Variants in ASTL observed in about 807,000 individuals in gnomAD.
ASTL encodes astacin-like metalloendopeptidase.
In ASTL, 27 loss-of-function variants were observed where a neutral mutation model predicts 36.7. The observed-to-expected ratio is 0.73, with a 90% confidence interval of 0.54 to 1.01. The LOEUF is 1.01. Ranked by LOEUF, ASTL falls within the 50% of genes least tolerant of loss-of-function variation. The pLI is 0.00. For missense variants in ASTL, 524 were observed against 572.8 expected, an observed-to-expected ratio of 0.91 and a Z score of 0.87; for synonymous variants, 222 against 228.1, an observed-to-expected ratio of 0.97 and a Z score of 0.24.
Position 96,132,721 on chromosome 2 carries a change from C to T in ASTL, c.456G>A (p.Gly152=), listed in dbSNP as rs765288893. Residue 152 remains glycine, a splice_region_variant and synonymous_variant, in exon 6 of 9, where the codon GGG becomes GGA. Coordinates refer to ENST00000342380, the MANE Select transcript of ASTL (RefSeq NM_001002036.4). The surrounding 1 kb of genome is among the most constrained non-coding windows in gnomAD (Gnocchi z 5.4). ...CACTGCGCCCCACACTCGAGAAGCA[C>T]CTGCAGGGTGATGAGAGCAAGTGGG... ...RDFISIIPMY[G]CFSSVGRSGG... is the part of the protein sequence containing the mutation. 1 of 1,605,500 alleles carries T rather than the reference C, an allele frequency of 6.2e-7. No individual in the cohort carries two copies. The highest frequency in any genetic ancestry group is 8.5e-7 in the Non-Finnish European group (1 of 1,173,506).
intron 8 of ASTL, among the ~76,000 whole-genome samples, chr2:96,125,879 C>A (rs762116687): frequency 6.6e-6 from 1 of 152,060 alleles, no homozygotes; most frequent in Non-Finnish European, 1.5e-5. Flanking sequence ...AAAGAAATTA[C>A]GCACAAATTT....
rs550355362 is a variant in ASTL, at chr2:96,134,098, C to G, written c.244-40G>C. ...GCAGTTCAACCCCTGGGGACAGAGG[C>G]CACCCAAGCTTTGTGCCCCAAGGGT... On this transcript the variant is annotated intron_variant, in intron 3 of 8. Transcript: ENST00000342380. 5.5e-6 allele frequency: 8 copies of G among 1,447,596 alleles called. No individual in the cohort carries two copies. In the East Asian group the frequency reaches 1.8e-4, roughly 33 times the overall value. The allele number at this position is 1,447,596 out of a possible 1,614,324, so 89.7% of individuals were successfully genotyped here. A position where few individuals can be genotyped will look rare whatever the true frequency, so the allele number is the denominator to read the frequency against.
At position 96,123,827 on chromosome 2, in the gene ASTL, A is replaced by G; in HGVS notation, c.*23T>C. ...CCACTGGGCAGAGGATGCCCTCCCTACTTGGGGACAGAAGCCACAGGCTTA... is the reference window on the plus strand; with the variant it reads ...CCACTGGGCAGAGGATGCCCTCCCTGCTTGGGGACAGAAGCCACAGGCTTA... On this transcript the variant is annotated 3_prime_UTR_variant, in exon 9 of 9. Transcript: ENST00000342380. 6.3e-7 allele frequency: 1 copy of G among 1,599,318 alleles called. No homozygotes were observed. Among genetic ancestry groups the G allele is most frequent in the Non-Finnish European group, 8.5e-7 (1 of 1,171,068 alleles).
chr2:96,126,733 G>A (rs1682071872), intron 8 of ASTL, among the ~76,000 whole-genome samples: 1 of 152,066 alleles, frequency 6.6e-6, no homozygotes, highest in Non-Finnish European at 1.5e-5. Flanking sequence ...GCACATACCT[G>A]TAGTCCCAGC....
rs772942732 is a variant in ASTL at position 96,134,074 on chromosome 2, C to T, written c.244-16G>A. 2 of 1,591,404 alleles carry T rather than the reference C, an allele frequency of 1.3e-6. No individual in the cohort carries two copies. Among genetic ancestry groups the T allele is most frequent in the Non-Finnish European group, 8.6e-7 (1 of 1,159,878 alleles). The stretch of plus-strand genomic sequence containing the variant: ...GGAAGGGACTCTGAGGAGAGAGCAG[C>T]AGTTCAACCCCTGGGGACAGAGGCC... On this transcript the variant is annotated splice_polypyrimidine_tract_variant and intron_variant, in intron 3 of 8. Coordinates refer to ENST00000342380, the MANE Select transcript of ASTL (RefSeq NM_001002036.4).
Position 96,132,847 on chromosome 2 carries a change from G to C in ASTL, c.456-126C>G. ...TCCCAACAGGCAGGCCCCACTCTGG[G>C]CTCTAGTCTCAGGTTCACCATTCTC... On this transcript the variant is annotated intron_variant, in intron 5 of 8. Coordinates refer to ENST00000342380, the MANE Select transcript of ASTL (RefSeq NM_001002036.4). This position sits in a 1 kb window ranked among gnomAD's most constrained non-coding sequence, Gnocchi z 5.4. The C allele has an allele frequency of 1.2e-6, 1 of 846,932 alleles. No homozygotes were observed. The highest frequency in any genetic ancestry group is 3.2e-4 in the Middle Eastern group (1 of 3,094). 52.5% of individuals were successfully genotyped at this position (846,932 alleles called of 1,614,324 possible). A position where few individuals can be genotyped will look rare whatever the true frequency, so the allele number is the denominator to read the frequency against.
At position 96,138,431 on chromosome 2, in the gene ASTL, C is replaced by A. The variant is rs1442943522; in HGVS notation, c.6G>T (p.Glu2Asp). 3 of 1,610,008 alleles carry A rather than the reference C, an allele frequency of 1.9e-6. No homozygotes were observed. The highest frequency in any genetic ancestry group is 1.7e-6 in the Non-Finnish European group (2 of 1,178,162). MEGVGGLWPWVL... is the reference protein window; with the variant it reads MDGVGGLWPWVL... Reference sequence around the variant, plus strand: ...CCCAAGGCCAGAGACCCCCTACACCCTCCATGGTAGAGCCCTGCTGCCCCT... The same window carrying A: ...CCCAAGGCCAGAGACCCCCTACACCATCCATGGTAGAGCCCTGCTGCCCCT... Residue 2 changes from glutamate to aspartate, a missense_variant, in exon 1 of 9, where the codon GAG (glutamate) becomes GAT (aspartate). By Grantham distance (45) the Glu-to-Asp change is conservative. Coordinates refer to ENST00000342380, the MANE Select transcript of ASTL (RefSeq NM_001002036.4).
At chr2:96,138,338 T>C (rs1573918635) in intron 1 of ASTL, 44 bp downstream of exon 1, 2 of 1,568,352 alleles carry the variant, frequency 1.3e-6, no homozygotes, top group Non-Finnish European at 1.7e-6. Context: ...CCCAGCTTTC[T>C]CCAGGCTGGA....
chr2:96,137,706 CCAGA>C lies in ASTL; in HGVS notation c.56-10_56-7del. 1 of 1,611,070 alleles carries C rather than the reference CCAGA, an allele frequency of 6.2e-7. No individual in the cohort carries two copies. The highest frequency in any genetic ancestry group is 2.2e-5 in the East Asian group (1 of 44,834). On this transcript the variant is annotated splice_region_variant and splice_polypyrimidine_tract_variant and intron_variant, in intron 1 of 8. Transcript: ENST00000342380. ...GGGCGCTCCTAGGATCACACCTGGT[CCAGA>C]CAGACAGGGGCATACACAGATGCCT...
rs1480362645 is a variant in ASTL, at chr2:96,136,949, A to G, written c.181+626T>C. Among the ~76,000 whole-genome samples the G allele has an allele frequency of 4.6e-5, 7 of 152,212 alleles. No individual in the cohort carries two copies. In the South Asian group the frequency reaches 1.0e-3, roughly 23 times the overall value. ...AAGCTCCGCCTCCCAGGTTCATGCCATTCTCCTGCCTCAGCCTCCTGAGTA... is the reference window on the plus strand; with the variant it reads ...AAGCTCCGCCTCCCAGGTTCATGCCGTTCTCCTGCCTCAGCCTCCTGAGTA... On this transcript the variant is annotated intron_variant, in intron 2 of 8. Transcript: ENST00000342380.
Position 96,133,321 on chromosome 2 carries a change from G to A in ASTL, c.455+104C>T, listed in dbSNP as rs113183616. The A allele has an allele frequency of 3.1e-4, 265 of 860,360 alleles. 4 individuals carry two copies. In the African/African-American group the frequency reaches 3.2e-3, roughly 10 times the overall value. 53.3% of individuals were successfully genotyped at this position (860,360 alleles called of 1,614,324 possible). ...CCCTCAGGGTGGGCAGGGAGACTGA[G>A]CCCTGGAGGATGGGCCCAGGAATAC... is the stretch of plus-strand genomic sequence containing the variant. On this transcript the variant is annotated intron_variant, in intron 5 of 8. Coordinates refer to ENST00000342380, the MANE Select transcript of ASTL (RefSeq NM_001002036.4).
intron 8 of ASTL, among the ~76,000 whole-genome samples, chr2:96,125,863 T>C (rs1428564287): frequency 6.6e-6 from 1 of 151,812 alleles, no homozygotes; most frequent in Non-Finnish European, 1.5e-5. Context: ...AGACTCCATC[T>C]CAACAAAAGA....
intron 2 of ASTL, 56 bp from the exon 3 acceptor site, chr2:96,135,468 G>A (rs1682276688): frequency 1.5e-5 from 22 of 1,514,158 alleles, no homozygotes; most frequent in Non-Finnish European, 2.0e-5. Flanking sequence ...TGACTCGTGG[G>A]ACAGGCCAAG....
In ASTL at chr2:96,137,697, A is replaced by T; in HGVS notation, c.59T>A (p.Val20Glu). 1 of 1,612,400 alleles carries T rather than the reference A, an allele frequency of 6.2e-7. No homozygotes were observed. The highest frequency in any genetic ancestry group is 1.1e-5 in the South Asian group (1 of 91,062). ...WVLGLLSLPG[V>E]ILGAPLASSC... ...GGAGGCCAGGGGCGCTCCTAGGATC[A>T]CACCTGGTCCAGACAGACAGGGGCA... The change falls in exon 2 of 9, where the codon GTG (valine) becomes GAG (glutamate). Residue 20 changes from valine to glutamate, a missense_variant. Transcript: ENST00000342380.
chr2:96,130,018 G>A (rs374766318), intron 7 of ASTL, 40 bp from the exon 8 acceptor site: 127 of 1,613,160 alleles, frequency 7.9e-5, no homozygotes, highest in South Asian at 2.7e-4. Flanking sequence ...AGATCACCAC[G>A]GGAGAGGCTG....
rs539702366 is a variant in ASTL at position 96,123,462 on chromosome 2, T to C, written c.*388A>G. On this transcript the variant is annotated 3_prime_UTR_variant, in exon 9 of 9. Coordinates refer to ENST00000342380, the MANE Select transcript of ASTL (RefSeq NM_001002036.4). ...CCCTGAGGGAGAGGTAGGGACACCATTAGTCCATGCTGGGGGGCAGGGCCT... is the reference window on the plus strand; with the variant it reads ...CCCTGAGGGAGAGGTAGGGACACCACTAGTCCATGCTGGGGGGCAGGGCCT... Among the ~76,000 whole-genome samples, 6 of 152,224 alleles carry C rather than the reference T, an allele frequency of 3.9e-5. No individual in the cohort carries two copies. In the South Asian group the frequency reaches 1.2e-3, roughly 32 times the overall value.
At chr2:96,136,596 C>T (rs779528875) in intron 2 of ASTL, among the ~76,000 whole-genome samples, 1 of 152,194 alleles carries the variant, frequency 6.6e-6, no homozygotes, top group South Asian at 2.1e-4. Context: ...GCTCAGCTGG[C>T]GCTGGGCTCC....
Position 96,124,058 on chromosome 2 carries a change from G to A in ASTL, c.1088C>T (p.Pro363Leu). The A allele has an allele frequency of 6.2e-7, 1 of 1,613,838 alleles. No homozygotes were observed. The highest frequency in any genetic ancestry group is 8.5e-7 in the Non-Finnish European group (1 of 1,179,904). Residue 363 changes from proline (P) to leucine (L), a missense_variant, in exon 9 of 9, where the codon CCT becomes CTT. Physicochemically the swap from Pro to Leu is moderately conservative, Grantham distance 98 (BLOSUM62 -3). Coordinates refer to ENST00000342380, the MANE Select transcript of ASTL (RefSeq NM_001002036.4). The surrounding 1 kb of genome is among the most constrained non-coding windows in gnomAD (Gnocchi z 4.1). ...TCTTGGGGAGGAAGCTAGGGTCTGA[G>A]GCTGCCTTGCCGAGGCCTCTGCACT... ...KLSAEASARQPQTLASSPRSR... is the reference protein window; with the variant it reads ...KLSAEASARQLQTLASSPRSR...
At position 96,132,582 on chromosome 2, in the gene ASTL, G is replaced by A. The variant is rs151115044; in HGVS notation, c.595C>T (p.Arg199Trp). ...CAGTTGACACGGATATAGCGGTCCC[G>A]GTCGGCCCGCGTGTGCTCGTGCCAG... ...GFWHEHTRAD[R>W]DRYIRVNWNE... is the part of the protein sequence containing the mutation. Residue 199 changes from arginine to tryptophan, a missense_variant, in exon 6 of 9, where the codon CGG becomes TGG. Arg to Trp is a moderately radical substitution (Grantham distance 101). Coordinates refer to ENST00000342380, the MANE Select transcript of ASTL (RefSeq NM_001002036.4). The surrounding 1 kb of genome is among the most constrained non-coding windows in gnomAD (Gnocchi z 5.4). The A allele has an allele frequency of 3.7e-5, 59 of 1,611,464 alleles. No individual in the cohort carries two copies. Among genetic ancestry groups the A allele is most frequent in the South Asian group, 7.7e-5 (7 of 91,024 alleles).
Sources: allele counts gnomAD v4.1 joint callset (sites outside exome capture counted in the v4.1 genomes callset), GRCh38; gene constraint gnomAD v4.1.1; non-coding constraint Gnocchi (gnomAD v3.1); transcripts MANE v1.5; gene names NCBI Gene and HGNC (gene_info 2026-07-23, HGNC 2026-07-21).